Variants in PTPRD observed in about 807,000 individuals in gnomAD.
PTPRD encodes protein tyrosine phosphatase receptor type D, also known as receptor-type tyrosine-protein phosphatase delta.
PTPRD carries 34 observed loss-of-function variants against 214.5 expected under a neutral mutation model. The ratio of observed to expected loss-of-function variants is 0.16; its 90% CI spans 0.12 to 0.21. The LOEUF (loss-of-function observed/expected upper bound fraction) is 0.21, where lower values mean the gene tolerates loss of function less well. Ranked by LOEUF, PTPRD falls within the 10% of genes least tolerant of loss-of-function variation. The probability of loss-of-function intolerance (pLI) is 1.00; values close to 1 mark genes in which losing one functional copy is unlikely to be tolerated. For synonymous variants in PTPRD, 1,128 were observed against 845.7 expected, an observed-to-expected ratio of 1.33 and a Z score of -5.79; for missense variants, 2,545 against 2,398.7, an observed-to-expected ratio of 1.06 and a Z score of -1.27.
At chr9:8,644,815 A>G (rs981984334) in intron 12 of PTPRD, among the ~76,000 whole-genome samples, 1 of 152,186 alleles carries the variant, frequency 6.6e-6, no homozygotes, top group African/African-American at 2.4e-5. Context: ...ACCCCTTGCC[A>G]TTCCATGCCT....
chr9:9,082,674 C>T (rs1414394190), intron 10 of PTPRD, among the ~76,000 whole-genome samples: 2 of 152,034 alleles, frequency 1.3e-5, no homozygotes, highest in South Asian at 2.1e-4. Context: ...CCCCAAATTT[C>T]CTTAAGCTGA....
At chr9:9,053,454 G>C (rs1351620627) in intron 10 of PTPRD, among the ~76,000 whole-genome samples, 1 of 152,160 alleles carries the variant, frequency 6.6e-6, no homozygotes, top group East Asian at 1.9e-4. Context: ...CATCACGGTT[G>C]AGTCAATGGG....
intron 2 of PTPRD, among the ~76,000 whole-genome samples, chr9:10,469,383 A>G (rs1040481119): frequency 1.3e-5 from 2 of 152,184 alleles, no homozygotes; most frequent in African/African-American, 4.8e-5. Context: ...AAAACAGGAC[A>G]TAAGCGTGAA....
At chr9:9,003,128 T>A (rs2099430292) in intron 11 of PTPRD, among the ~76,000 whole-genome samples, 2 of 152,054 alleles carry the variant, frequency 1.3e-5, no homozygotes, top group Non-Finnish European at 2.9e-5. Context: ...CCCTGACCAT[T>A]AACTATTATT....
intron 2 of PTPRD, among the ~76,000 whole-genome samples, chr9:10,454,475 A>T (rs2098889087): frequency 6.6e-6 from 1 of 151,876 alleles, no homozygotes; most frequent in African/African-American, 2.4e-5. Flanking sequence ...ATCTGTAGCA[A>T]GACATACTGT....
intron 11 of PTPRD, among the ~76,000 whole-genome samples, chr9:8,779,718 C>A (rs1389254783): frequency 1.3e-5 from 2 of 152,082 alleles, no homozygotes; most frequent in African/African-American, 2.4e-5. Context: ...GGCTGGCGTT[C>A]CACAAACTCA....
At chr9:8,950,937 T>C (rs539085516) in intron 11 of PTPRD, among the ~76,000 whole-genome samples, 3 of 152,116 alleles carry the variant, frequency 2.0e-5, no homozygotes, top group Non-Finnish European at 4.4e-5. Context: ...AGTTCCAGCA[T>C]GCTTTACAAT....
At chr9:9,354,108 C>T (rs2052643783) in intron 9 of PTPRD, among the ~76,000 whole-genome samples, 2 of 151,636 alleles carry the variant, frequency 1.3e-5, no homozygotes, top group African/African-American at 4.8e-5. Flanking sequence ...TTGGTGAATC[C>T]CCCCACACTT....
At chr9:8,497,563 T>C (rs1162306920) in intron 25 of PTPRD, among the ~76,000 whole-genome samples, 1 of 152,216 alleles carries the variant, frequency 6.6e-6, no homozygotes, top group Non-Finnish European at 1.5e-5. Context: ...AATCATATCC[T>C]ACTCGTATTT....
intron 2 of PTPRD, among the ~76,000 whole-genome samples, chr9:10,469,407 CA>C (rs2099015513): frequency 6.6e-6 from 1 of 151,916 alleles, no homozygotes; most frequent in Non-Finnish European, 1.5e-5. Flanking sequence ...TGTGCAGAAG[CA>C]GAGAGAAATC....
intron 11 of PTPRD, among the ~76,000 whole-genome samples, chr9:8,924,097 T>A (rs1044387628): frequency 1.5e-5 from 2 of 137,066 alleles, no homozygotes; most frequent in Non-Finnish European, 1.6e-5. Flanking sequence ...TTTGTCTTCA[T>A]AAGGCGCAGT....
At chr9:8,373,610 CGGGTGTGTGTGTGT>C (rs958364001) in intron 39 of PTPRD, among the ~76,000 whole-genome samples, 3 of 121,484 alleles carry the variant, frequency 2.5e-5, no homozygotes, top group Non-Finnish European at 4.9e-5. Flanking sequence ...AACATGGATG[CGGGTGTGTGTGTGT>C]GTGTGTGTGT....
intron 12 of PTPRD, among the ~76,000 whole-genome samples, chr9:8,664,915 T>A (rs981115973): frequency 1.3e-5 from 2 of 152,216 alleles, no homozygotes; most frequent in East Asian, 3.8e-4. Flanking sequence ...AACAGTACAC[T>A]GAAGACCTAA....
At chr9:9,340,014 T>C (rs765901705) in intron 9 of PTPRD, among the ~76,000 whole-genome samples, 1 of 152,142 alleles carries the variant, frequency 6.6e-6, no homozygotes, top group Non-Finnish European at 1.5e-5. Context: ...TATTTCAAGA[T>C]AGGAGTGACT....
intron 9 of PTPRD, among the ~76,000 whole-genome samples, chr9:9,356,997 G>A (rs1171952598): frequency 1.3e-5 from 2 of 151,194 alleles, no homozygotes; most frequent in African/African-American, 2.4e-5. Flanking sequence ...CATCCAAGGG[G>A]GATTTGGGTC....
intron 3 of PTPRD, among the ~76,000 whole-genome samples, chr9:10,118,099 A>C (rs2098745374): frequency 6.6e-6 from 1 of 151,974 alleles, no homozygotes; most frequent in Non-Finnish European, 1.5e-5. Context: ...CAGAGCTAGT[A>C]AAGTCATCTA....
chr9:9,012,478 C>T (rs930904406), intron 11 of PTPRD, among the ~76,000 whole-genome samples: 2 of 152,086 alleles, frequency 1.3e-5, no homozygotes, highest in African/African-American at 4.8e-5. Flanking sequence ...ACTGTAGAAG[C>T]AAGAAATCCA....
chr9:9,456,087 T>C (rs183634713), intron 8 of PTPRD, among the ~76,000 whole-genome samples: 1 of 151,982 alleles, frequency 6.6e-6, no homozygotes, highest in African/African-American at 2.4e-5. Context: ...TAACACTTTT[T>C]CCAATAAACT....
chr9:9,099,766 T>G (rs1591606106), intron 10 of PTPRD, among the ~76,000 whole-genome samples: 1 of 152,294 alleles, frequency 6.6e-6, no homozygotes, highest in East Asian at 1.9e-4. Context: ...ATGAATAGAA[T>G]TAACCAGACA....
Sources: gnomAD v4.1 joint callset for allele counts (sites outside exome capture counted in the v4.1 genomes callset) on GRCh38, gnomAD v4.1.1 for gene constraint, MANE v1.5 for transcripts, NCBI Gene and HGNC (gene_info 2026-07-23, HGNC 2026-07-21) for gene names.